Variants in GPC5 observed in about 807,000 individuals in gnomAD.
GPC5 encodes the protein glypican 5, also known as glypican-5.
GPC5 carries 47 observed loss-of-function variants against 53.9 expected under a neutral mutation model. The ratio of observed to expected loss-of-function variants is 0.87; its 90% confidence interval spans 0.69 to 1.11. GPC5 has a LOEUF of 1.11. Among genes scored for constraint, GPC5 ranks in the 50% most tolerant of loss-of-function variants. The pLI, the probability that GPC5 is intolerant of heterozygous loss-of-function variation, is 0.00. For missense variants in GPC5, 748 were observed against 713.1 expected, an observed-to-expected ratio of 1.05 and a Z score of -0.56; for synonymous variants, 286 against 263.3, an observed-to-expected ratio of 1.09 and a Z score of -0.84.
intron 7 of GPC5, among the ~76,000 whole-genome samples, chr13:92,315,103 A>G: frequency 6.6e-6 from 1 of 152,180 alleles, no homozygotes; most frequent in Non-Finnish European, 1.5e-5. Flanking sequence ...ATTGAGAGAA[A>G]TTGTTTTAAC....
At chr13:92,619,859 A>T (rs1033472214) in intron 7 of GPC5, among the ~76,000 whole-genome samples, 3 of 152,098 alleles carry the variant, frequency 2.0e-5, no homozygotes, top group African/African-American at 7.2e-5. Flanking sequence ...GAAACAAACA[A>T]TATTTGCTAG....
chr13:92,473,521 G>A (rs1364132672), intron 7 of GPC5, among the ~76,000 whole-genome samples: 2 of 152,054 alleles, frequency 1.3e-5, no homozygotes, highest in African/African-American at 2.4e-5. Flanking sequence ...ATAGTATTAT[G>A]TGTTCTCTTA....
chr13:91,408,750 T>C (rs1376789336), intron 1 of GPC5, among the ~76,000 whole-genome samples: 2 of 152,156 alleles, frequency 1.3e-5, no homozygotes, highest in African/African-American at 4.8e-5. Flanking sequence ...GGATAATGGG[T>C]TTAAATTACT....
chr13:91,547,962 T>C (rs534304737), intron 2 of GPC5, among the ~76,000 whole-genome samples: 2 of 152,236 alleles, frequency 1.3e-5, no homozygotes, highest in South Asian at 4.1e-4. Context: ...AGAGAGGAAT[T>C]TCCTCAACTT....
intron 5 of GPC5, among the ~76,000 whole-genome samples, chr13:91,867,737 G>A (rs1157584689): frequency 6.6e-6 from 1 of 152,174 alleles, no homozygotes; most frequent in Admixed American, 6.5e-5. Context: ...TGGTTTAGAA[G>A]TTTAAGTAAG....
intron 7 of GPC5, among the ~76,000 whole-genome samples, chr13:92,632,157 G>C (rs1474521274): frequency 6.6e-6 from 1 of 152,024 alleles, no homozygotes; most frequent in Non-Finnish European, 1.5e-5. Flanking sequence ...CAAAAGCATT[G>C]AAATTAAATA....
chr13:92,414,909 C>T (rs1460682088), intron 7 of GPC5, among the ~76,000 whole-genome samples: 9 of 152,152 alleles, frequency 5.9e-5, no homozygotes, highest in Non-Finnish European at 1.0e-4. Context: ...CCACCTAATC[C>T]TTATCACATT....
At chr13:91,479,743 T>C (rs1447044011) in intron 2 of GPC5, among the ~76,000 whole-genome samples, 8 of 152,134 alleles carry the variant, frequency 5.3e-5, no homozygotes, top group Admixed American at 5.2e-4. Flanking sequence ...TATAACTTCA[T>C]TTTCTATATT....
At chr13:92,846,952 T>G (rs199596715) in intron 7 of GPC5, among the ~76,000 whole-genome samples, 1 of 152,286 alleles carries the variant, frequency 6.6e-6, no homozygotes, top group East Asian at 1.9e-4. Flanking sequence ...ACCTCAAAGT[T>G]TGCCCTCTTT....
chr13:91,554,649 A>G (rs1343621264), intron 2 of GPC5, among the ~76,000 whole-genome samples: 4 of 152,104 alleles, frequency 2.6e-5, no homozygotes, highest in African/African-American at 7.2e-5. Flanking sequence ...CTTAGGTCCA[A>G]TGGGAGTCTG....
chr13:91,637,390 G>A (rs2034310928), intron 2 of GPC5, among the ~76,000 whole-genome samples: 1 of 152,192 alleles, frequency 6.6e-6, no homozygotes, highest in African/African-American at 2.4e-5. Flanking sequence ...AATTGTGAAT[G>A]GGTGACCTTA....
At chr13:92,145,717 T>A (rs2041862425) in intron 7 of GPC5, among the ~76,000 whole-genome samples, 2 of 152,152 alleles carry the variant, frequency 1.3e-5, no homozygotes, top group African/African-American at 4.8e-5. Context: ...TGAGAAATAA[T>A]GTAAATGTTG....
chr13:92,371,363 G>A (rs2043648698), intron 7 of GPC5, among the ~76,000 whole-genome samples: 1 of 152,108 alleles, frequency 6.6e-6, no homozygotes, highest in Non-Finnish European at 1.5e-5. Flanking sequence ...AGAAATTATG[G>A]TGATATCTTA....
chr13:91,580,827 T>C (rs1370753406), intron 2 of GPC5, among the ~76,000 whole-genome samples: 2 of 152,224 alleles, frequency 1.3e-5, no homozygotes, highest in South Asian at 2.1e-4. Context: ...TTAAGTTATT[T>C]TATGTATTAG....
intron 7 of GPC5, among the ~76,000 whole-genome samples, chr13:92,309,964 CT>C (rs372802584): frequency 1.3e-5 from 2 of 150,162 alleles, no homozygotes; most frequent in African/African-American, 5.0e-5. Context: ...ATGAGTCTGA[CT>C]TTTTTTAGAA....
chr13:91,555,657 C>A (rs767824358), intron 2 of GPC5, among the ~76,000 whole-genome samples: 2 of 151,988 alleles, frequency 1.3e-5, no homozygotes, highest in Non-Finnish European at 2.9e-5. Context: ...TAAAGATATA[C>A]CCAAGACTGG....
At chr13:92,169,670 A>G (rs1490887530) in intron 7 of GPC5, among the ~76,000 whole-genome samples, 1 of 152,210 alleles carries the variant, frequency 6.6e-6, no homozygotes, top group African/African-American at 2.4e-5. Context: ...TAAAACGTAC[A>G]ATCCAGTGTC....
Position 92,866,404 on chromosome 13 carries a change from A to G in GPC5, c.1684A>G (p.Ile562Val). Residue 562 changes from isoleucine to valine, a missense_variant, in exon 8 of 8, where the codon ATA becomes GTA. Coordinates refer to ENST00000377067, the MANE Select transcript of GPC5 (RefSeq NM_004466.6). ...GACTGAATCTATGACATTCACTCTGATAAGTGTGGTGATGTTACTTCCCGG... is the reference window on the plus strand; with the variant it reads ...GACTGAATCTATGACATTCACTCTGGTAAGTGTGGTGATGTTACTTCCCGG... Reference protein sequence around the residue: ...VATESMTFTLISVVMLLPGIW With the variant: ...VATESMTFTLVSVVMLLPGIW The G allele has an allele frequency of 6.2e-7, 1 of 1,610,668 alleles. No individual in the cohort carries two copies.
chr13:92,774,852 T>A (rs538799434), intron 7 of GPC5, among the ~76,000 whole-genome samples: 14 of 152,316 alleles, frequency 9.2e-5, no homozygotes, highest in African/African-American at 3.4e-4. Context: ...CCTTAATCTC[T>A]AGGAAGAATT....
Sources: gnomAD v4.1 joint callset for allele counts (sites outside exome capture counted in the v4.1 genomes callset) on GRCh38, gnomAD v4.1.1 for gene constraint, MANE v1.5 for transcripts, NCBI Gene and HGNC (gene_info 2026-07-23, HGNC 2026-07-21) for gene names.